Variants in GSTM2 observed in about 807,000 individuals in gnomAD.
GSTM2 encodes glutathione S-transferase mu 2.
GSTM2 carries 33 observed loss-of-function variants against 33.3 expected under a neutral mutation model. That is an observed-to-expected ratio of 0.99 (90% CI 0.75 to 1.33). The LOEUF (loss-of-function observed/expected upper bound fraction) is 1.33, where lower values mean the gene tolerates loss of function less well. Among genes scored for constraint, GSTM2 ranks in the 40% most tolerant of loss-of-function variants. The probability of loss-of-function intolerance (pLI) is 0.00; values close to 1 mark genes in which losing one functional copy is unlikely to be tolerated. For missense variants in GSTM2, 213 were observed against 265.8 expected (o/e 0.80, Z 1.38); for synonymous variants, 93 against 95.6 (o/e 0.97, Z 0.16).
At chr1:109,678,117 T>A (rs7537275), downstream of GSTM2, among the ~76,000 whole-genome samples, 5,910 of 152,218 alleles carry the variant, frequency 0.039, 412 homozygotes, top group African/African-American at 0.13. Flanking sequence ...GTGTTTACTC[T>A]TAGATTCTAC....
chr1:109,677,128 C>G (rs753481221), downstream of GSTM2, among the ~76,000 whole-genome samples: 3 of 152,192 alleles, frequency 2.0e-5, no homozygotes, highest in Non-Finnish European at 4.4e-5. Context: ...TTAAAAACCC[C>G]TAAGATCCTA....
chr1:109,673,140 G>T, intron 7 of GSTM2: 1 of 1,591,686 alleles, frequency 6.3e-7, no homozygotes, highest in Non-Finnish European at 8.5e-7. Context: ...TAAGTGCTGG[G>T]ATTACAAGCG....
intron 7 of GSTM2, 71 bp downstream of exon 7, chr1:109,671,654 C>T (rs1647548726): frequency 3.2e-6 from 3 of 926,738 alleles, no homozygotes; most frequent in Non-Finnish European, 5.4e-6. Context: ...TTTCCCAGTC[C>T]TGGAGCTACA....
At chr1:109,674,018 G>A (rs888689149) in intron 7 of GSTM2, among the ~76,000 whole-genome samples, 1 of 152,196 alleles carries the variant, frequency 6.6e-6, no homozygotes, top group Admixed American at 6.5e-5. Context: ...ATTTTGCTAA[G>A]ATACCAGATG....
chr1:109,668,815 T>C lies in GSTM2; in HGVS notation c.113-110T>C, dbSNP rs576447396. On this transcript the variant is annotated intron_variant, in intron 2 of 7. Transcript: ENST00000241337. ...GGGATGTGGGACTGAGTGGTCAGAT[T>C]CTAGATCCACCTGTCTCAGGGGTCT... is the stretch of plus-strand genomic sequence containing the variant. The C allele has an allele frequency of 1.6e-5, 20 of 1,289,998 alleles. No homozygotes were observed. In the East Asian group the frequency reaches 4.7e-4, roughly 30 times the overall value. The allele number at this position is 1,289,998 out of a possible 1,614,324, so 79.9% of individuals were successfully genotyped here.
intron 5 of GSTM2, chr1:109,670,002 AGGATTTATG>A (rs1557958293): frequency 6.6e-6 from 1 of 150,812 alleles, no homozygotes; most frequent in African/African-American, 2.6e-5. Context: ...GAGCAACAGC[AGGATTTATG>A]GTGACGAGTG....
At chr1:109,668,668 C>T in intron 2 of GSTM2, 168 bp downstream of exon 2, 4 of 875,196 alleles carry the variant, frequency 4.6e-6, no homozygotes, top group East Asian at 5.2e-5. Flanking sequence ...AATGCTGGGG[C>T]GGGATGCTGG....
Position 109,671,537 on chromosome 1 carries a change from G to T in GSTM2, c.521G>T (p.Cys174Phe), listed in dbSNP as rs1265732325. 1.1e-5 allele frequency: 17 copies of T among 1,613,222 alleles called. No homozygotes were observed. Among genetic ancestry groups the T allele is most frequent in the Non-Finnish European group, 1.4e-5 (17 of 1,179,264 alleles). The stretch of plus-strand genomic sequence containing the variant: ...AGAAACCAAGTATTTGAGCCCAGCT[G>T]CCTGGATGCCTTCCCAAACCTGAAG... ...LERNQVFEPSCLDAFPNLKDF... is the reference protein window; with the variant it reads ...LERNQVFEPSFLDAFPNLKDF... Residue 174 changes from cysteine (C) to phenylalanine (F), a missense_variant, in exon 7 of 8, where the codon TGC (cysteine) becomes TTC (phenylalanine). By Grantham distance (205) the Cys-to-Phe change is radical. Transcript: ENST00000241337.
At chr1:109,670,062 AG>A (rs1043406727) in intron 5 of GSTM2, 2 of 2,664 alleles carry the variant, frequency 7.5e-4, no homozygotes, top group Non-Finnish European at 2.2e-3. Context: ...CAACCTGAGC[AG>A]GTTGCTACTG....
chr1:109,676,390 C>A (rs1056985762), downstream of GSTM2, among the ~76,000 whole-genome samples: 1 of 152,162 alleles, frequency 6.6e-6, no homozygotes, highest in Non-Finnish European at 1.5e-5. Flanking sequence ...ATTACTCTGT[C>A]GCCTAGGCTG....
At chr1:109,668,568 C>T (rs1040489563) in intron 2 of GSTM2, 68 bp downstream of exon 2, 3 of 1,543,946 alleles carry the variant, frequency 1.9e-6, no homozygotes, top group Non-Finnish European at 9.0e-7. Context: ...CCGATAGTGG[C>T]CACCTGTGGC....
chr1:109,669,559 T>C lies in GSTM2; in HGVS notation c.348T>C (p.Tyr116=), dbSNP rs754958259. 5 of 1,603,648 alleles carry C rather than the reference T, an allele frequency of 3.1e-6. No individual in the cohort carries two copies. Among genetic ancestry groups the C allele is most frequent in the Non-Finnish European group, 3.4e-6 (4 of 1,171,058 alleles). The stretch of plus-strand genomic sequence containing the variant: ...GTATGCAGCTGGCCAAACTCTGCTA[T>C]GACCCAGATTTTGTAAGTCCCCCCA... ...DSRMQLAKLC[Y]DPDFEKLKPE... Residue 116 remains tyrosine (Y), a synonymous_variant, in exon 5 of 8, where the codon TAT becomes TAC. Transcript: ENST00000241337.
At chr1:109,672,868 CTTTT>C (rs67187488) in intron 7 of GSTM2, among the ~76,000 whole-genome samples, 3 of 122,272 alleles carry the variant, frequency 2.5e-5, no homozygotes, top group Admixed American at 1.7e-4. Context: ...TTCTCTACCT[CTTTT>C]TTTTTTTTTT....
downstream of GSTM2, among the ~76,000 whole-genome samples, chr1:109,679,137 C>T (rs1279008079): frequency 1.3e-5 from 2 of 151,990 alleles, no homozygotes; most frequent in East Asian, 1.9e-4. Flanking sequence ...TAGGAGATCG[C>T]GATTTCATCT....
At chr1:109,668,308 G>C (rs548842378) in intron 1 of GSTM2, 117 bp from the exon 2 acceptor site, 1 of 1,380,286 alleles carries the variant, frequency 7.2e-7, no homozygotes, top group Admixed American at 1.7e-5. Context: ...CTGGGCGTGC[G>C]GGGTGGGGGC....
At chr1:109,680,279 CAA>C (rs5776993), downstream of GSTM2, among the ~76,000 whole-genome samples, 3,132 of 130,956 alleles carry the variant, frequency 0.024, 51 homozygotes, top group African/African-American at 0.057. Context: ...GTACACATAG[CAA>C]AAAAAAAAAA....
downstream of GSTM2, among the ~76,000 whole-genome samples, chr1:109,677,946 G>C (rs1647745238): frequency 6.6e-6 from 1 of 152,174 alleles, no homozygotes; most frequent in East Asian, 1.9e-4. Flanking sequence ...GTTCACTGAT[G>C]TAACAGGTGT....
At chr1:109,668,651 A>G in intron 2 of GSTM2, 151 bp downstream of exon 2, 1 of 953,636 alleles carries the variant, frequency 1.0e-6, no homozygotes, top group Non-Finnish European at 1.7e-6. Flanking sequence ...AGCTCCTTGC[A>G]AGGCAGAATG....
At chr1:109,677,184 T>C (rs558079563), downstream of GSTM2, among the ~76,000 whole-genome samples, 1 of 152,264 alleles carries the variant, frequency 6.6e-6, no homozygotes, top group East Asian at 1.9e-4. Flanking sequence ...CCGACAATTG[T>C]TGGTGATTTA....
Sources: allele counts gnomAD v4.1 joint callset (sites outside exome capture counted in the v4.1 genomes callset), GRCh38; gene constraint gnomAD v4.1.1; transcripts MANE v1.5; gene names NCBI Gene and HGNC (gene_info 2026-07-23, HGNC 2026-07-21).